Variants in DPY19L1 observed in about 807,000 individuals in gnomAD.
The protein encoded by DPY19L1 is dpy-19 like C-mannosyltransferase 1, also known as protein C-mannosyl-transferase DPY19L1.
In DPY19L1, 35 loss-of-function variants were observed where a neutral mutation model predicts 96.9. The observed-to-expected ratio is 0.36, with a 90% CI of 0.28 to 0.48. The LOEUF is 0.48. DPY19L1 is among the 20% of genes least tolerant of loss of function. DPY19L1 has a pLI of 0.99. For synonymous variants in DPY19L1, 205 were observed against 252.6 expected (o/e 0.81, Z 1.79); for missense variants, 521 against 777.9 (o/e 0.67, Z 3.93).
chr7:35,035,119 A>G (rs1460318110), intron 1 of DPY19L1, among the ~76,000 whole-genome samples: 1 of 152,224 alleles, frequency 6.6e-6, no homozygotes, highest in South Asian at 2.1e-4. Context: ...ATTCAGCAGA[A>G]TCATCTCTCA....
chr7:34,931,346 A>T lies in DPY19L1; in HGVS notation c.*227T>A. 2.2e-6 allele frequency: 1 copy of T among 453,954 alleles called. No homozygotes were observed. The highest frequency in any genetic ancestry group is 3.6e-6 in the Non-Finnish European group (1 of 275,756). The allele number at this position is 453,954 out of a possible 1,614,324, so 28.1% of individuals were successfully genotyped here. A position where few individuals can be genotyped will look rare whatever the true frequency, so the allele number is the denominator to read the frequency against. ...ATATTAAAGTCAAGTACAAGCATATACTCATTTGCATAGCAAATTTTAAAG... is the reference window on the plus strand; with the variant it reads ...ATATTAAAGTCAAGTACAAGCATATTCTCATTTGCATAGCAAATTTTAAAG... On this transcript the variant is annotated 3_prime_UTR_variant, in exon 22 of 22. Coordinates refer to ENST00000638088, the MANE Select transcript of DPY19L1 (RefSeq NM_001366673.1).
intron 6 of DPY19L1, among the ~76,000 whole-genome samples, chr7:35,000,184 C>T (rs909458275): frequency 3.3e-5 from 5 of 152,150 alleles, no homozygotes; most frequent in African/African-American, 1.2e-4. Flanking sequence ...CCAAAAAATA[C>T]TTCTAAGGAA....
chr7:35,000,497 T>C (rs1490226266), intron 6 of DPY19L1: 1 of 152,198 alleles, frequency 6.6e-6, no homozygotes, highest in Non-Finnish European at 1.5e-5. Flanking sequence ...GTGTCGTTAG[T>C]TCAATAAATG....
At chr7:35,034,749 A>G (rs1320067258) in intron 1 of DPY19L1, among the ~76,000 whole-genome samples, 1 of 150,560 alleles carries the variant, frequency 6.6e-6, no homozygotes, top group African/African-American at 2.5e-5. Flanking sequence ...TTCTAAATAG[A>G]AATGAATCCA....
intron 18 of DPY19L1, among the ~76,000 whole-genome samples, chr7:34,941,557 A>G (rs1211047503): frequency 3.3e-5 from 5 of 152,242 alleles, no homozygotes; most frequent in African/African-American, 1.2e-4. Context: ...CTAAATCGGT[A>G]TTAGTTGTAC....
In DPY19L1 at chr7:35,017,988, G is replaced by C. The variant is rs1318477315; in HGVS notation, c.324-19C>G. 6.4e-7 allele frequency: 1 copy of C among 1,559,930 alleles called. No individual in the cohort carries two copies. Among genetic ancestry groups the C allele is most frequent in the Non-Finnish European group, 8.8e-7 (1 of 1,142,662 alleles). On this transcript the variant is annotated intron_variant, in intron 2 of 21. Transcript: ENST00000638088. ...ATGGCTCCTGGAAAAACAAAACAAA[G>C]CAATAGTGTTAAAACTTACACTCTA...
upstream of DPY19L1, chr7:35,037,620 C>T (rs940052560): frequency 4.3e-6 from 1 of 231,304 alleles, no homozygotes; most frequent in African/African-American, 2.3e-5. Flanking sequence ...CTTGCTAGCC[C>T]GCCGCCGTTG....
At chr7:34,977,433 A>T (rs1369893442) in intron 7 of DPY19L1, among the ~76,000 whole-genome samples, 2 of 152,186 alleles carry the variant, frequency 1.3e-5, no homozygotes, top group Non-Finnish European at 2.9e-5. Flanking sequence ...CACTCAGTTC[A>T]CCAAAACTGA....
At chr7:34,969,191 T>C (rs1784673753) in intron 9 of DPY19L1, among the ~76,000 whole-genome samples, 1 of 152,210 alleles carries the variant, frequency 6.6e-6, no homozygotes, top group South Asian at 2.1e-4. Flanking sequence ...GTTCAATAAA[T>C]GCATTATGTT....
At chr7:35,003,632 T>G (rs1342673844) in intron 6 of DPY19L1, among the ~76,000 whole-genome samples, 2 of 152,258 alleles carry the variant, frequency 1.3e-5, no homozygotes, top group Non-Finnish European at 2.9e-5. Context: ...ACTACATTTC[T>G]GCCAGATGTC....
intron 13 of DPY19L1, among the ~76,000 whole-genome samples, chr7:34,951,568 A>AC (rs879821937): frequency 1.1e-3 from 169 of 152,132 alleles, no homozygotes; most frequent in Non-Finnish European, 8.1e-4. Context: ...TACAAAGAAA[A>AC]TTTTAGCTTT....
At chr7:34,936,935 T>C (rs1783880819) in intron 21 of DPY19L1, among the ~76,000 whole-genome samples, 1 of 152,196 alleles carries the variant, frequency 6.6e-6, no homozygotes, top group Admixed American at 6.5e-5. Flanking sequence ...TATAGCAATC[T>C]CTTGAACGCT....
intron 21 of DPY19L1, among the ~76,000 whole-genome samples, chr7:34,932,354 A>T (rs1003633368): frequency 3.3e-5 from 5 of 152,200 alleles, no homozygotes; most frequent in Non-Finnish European, 1.5e-5. Flanking sequence ...CATGCTAGGA[A>T]CACTTATATT....
chr7:35,031,582 C>T (rs1014412994), intron 1 of DPY19L1, among the ~76,000 whole-genome samples: 2 of 152,098 alleles, frequency 1.3e-5, no homozygotes, highest in African/African-American at 4.8e-5. Context: ...ATAACAGCCA[C>T]GGTTCAAATA....
chr7:34,938,092 C>T lies in DPY19L1; in HGVS notation c.1992G>A (p.Met664Ile), dbSNP rs781235614. 2.5e-6 allele frequency: 4 copies of T among 1,613,716 alleles called. No homozygotes were observed. The highest frequency in any genetic ancestry group is 3.4e-6 in the Non-Finnish European group (4 of 1,179,940). The change falls in exon 21 of 22, where the codon ATG (methionine) becomes ATA (isoleucine). Residue 664 changes from methionine (M) to isoleucine (I), a missense_variant. Coordinates refer to ENST00000638088, the MANE Select transcript of DPY19L1 (RefSeq NM_001366673.1). ...CTTCTTCGGCTGCTTTCCGACTATA[C>T]ATTGAGTATACTATTTTTGTTCTGG... is the stretch of plus-strand genomic sequence containing the variant. ...LRARTKIVYS[M>I]YSRKAAEEVK...
chr7:34,936,419 A>C (rs1783868823), intron 21 of DPY19L1, among the ~76,000 whole-genome samples: 1 of 152,156 alleles, frequency 6.6e-6, no homozygotes, highest in African/African-American at 2.4e-5. Flanking sequence ...TGGAGAAAAA[A>C]GGTTACGAAA....
At chr7:34,937,077 A>T (rs1365252478) in intron 21 of DPY19L1, among the ~76,000 whole-genome samples, 2 of 152,256 alleles carry the variant, frequency 1.3e-5, no homozygotes, top group Non-Finnish European at 2.9e-5. Context: ...AAAGCAGGCT[A>T]CTGTCACCTG....
intron 10 of DPY19L1, among the ~76,000 whole-genome samples, chr7:34,963,971 C>T (rs1444907803): frequency 6.6e-6 from 1 of 152,026 alleles, no homozygotes; most frequent in Non-Finnish European, 1.5e-5. Flanking sequence ...TATAAAGTTT[C>T]AGTTTTGCAA....
upstream of DPY19L1, chr7:35,037,961 G>T: frequency 1.7e-6 from 2 of 1,176,240 alleles, no homozygotes; most frequent in Non-Finnish European, 2.1e-6. Flanking sequence ...AAGTTTCGGA[G>T]CCTGTTAAGG....
Sources: allele counts gnomAD v4.1 joint callset (sites outside exome capture counted in the v4.1 genomes callset), GRCh38; gene constraint gnomAD v4.1.1; transcripts MANE v1.5; gene names NCBI Gene and HGNC (gene_info 2026-07-23, HGNC 2026-07-21).